The following MCPH1 variants were observed in gnomAD, a reference collection of about 807,000 sequenced individuals.
MCPH1 encodes microcephalin 1, also known as microcephalin.
In MCPH1, 104 loss-of-function variants were observed where a neutral mutation model predicts 84.5. The observed-to-expected ratio is 1.23, with a 90% CI of 1.05 to 1.45. MCPH1 has a LOEUF of 1.45. MCPH1 is among the 40% of genes most tolerant of loss of function. The pLI is 0.00. For synonymous variants in MCPH1, 514 were observed against 366.8 expected, an observed-to-expected ratio of 1.40 and a Z score of -4.58; for missense variants, 1,498 against 1,005.7, an observed-to-expected ratio of 1.49 and a Z score of -6.62.
intron 13 of MCPH1, chr8:6,625,627 C>T (rs764129834): frequency 2.4e-5 from 24 of 984,876 alleles, no homozygotes; most frequent in Non-Finnish European, 2.7e-5. Context: ...AGGTAGGGTC[C>T]CTGAGCGTCT....
intron 8 of MCPH1, chr8:6,445,878 C>T (rs781101279): frequency 2.3e-4 from 239 of 1,058,392 alleles, no homozygotes; most frequent in Non-Finnish European, 2.6e-4. Flanking sequence ...AGTCTTGGCG[C>T]TGCAGCGTGT....
intron 12 of MCPH1, among the ~76,000 whole-genome samples, chr8:6,612,524 C>T (rs890884454): frequency 6.6e-6 from 1 of 152,224 alleles, no homozygotes; most frequent in African/African-American, 2.4e-5. Context: ...AGCACCGGTG[C>T]CTGCCCCGCT....
intron 1 of MCPH1, among the ~76,000 whole-genome samples, chr8:6,408,488 C>G (rs1264833912): frequency 6.6e-6 from 1 of 151,906 alleles, no homozygotes; most frequent in Non-Finnish European, 1.5e-5. Context: ...TTGCAAAATG[C>G]TGGGATTACA....
chr8:6,604,999 A>G (rs369495958), intron 12 of MCPH1, among the ~76,000 whole-genome samples: 12 of 152,312 alleles, frequency 7.9e-5, no homozygotes, highest in African/African-American at 2.6e-4. Context: ...CCATCCCTTC[A>G]TTTCAGAGGG....
intron 12 of MCPH1, among the ~76,000 whole-genome samples, chr8:6,564,530 GT>G (rs2129576057): frequency 6.6e-6 from 1 of 152,204 alleles, no homozygotes; most frequent in Admixed American, 6.5e-5. Flanking sequence ...TTAATAATAT[GT>G]TAACTCAGCA....
chr8:6,527,350 G>C (rs1231070760), intron 12 of MCPH1, among the ~76,000 whole-genome samples: 1 of 152,238 alleles, frequency 6.6e-6, no homozygotes, highest in Non-Finnish European at 1.5e-5. Flanking sequence ...GGGAATGAAA[G>C]GTAAAATCCA....
intron 8 of MCPH1, 33 bp downstream of exon 8, chr8:6,445,580 C>G (rs766322079): frequency 1.3e-6 from 2 of 1,549,374 alleles, no homozygotes; most frequent in Non-Finnish European, 1.7e-6. Context: ...GTCACCTTCG[C>G]TAAATAAACA....
chr8:6,562,574 T>G, intron 12 of MCPH1: 1 of 583,790 alleles, frequency 1.7e-6, no homozygotes, highest in Non-Finnish European at 2.6e-6. Context: ...TTTTTTTTGG[T>G]TGTTAAAACC....
chr8:6,614,451 T>C (rs116595495), intron 12 of MCPH1, among the ~76,000 whole-genome samples: 2,577 of 152,314 alleles, frequency 0.017, 68 homozygotes, highest in African/African-American at 0.058. Context: ...ACGTACTGCC[T>C]CCTGGAAAAA....
At chr8:6,416,426 G>C (rs115238970) in intron 3 of MCPH1, among the ~76,000 whole-genome samples, 3 of 152,234 alleles carry the variant, frequency 2.0e-5, no homozygotes, top group Admixed American at 1.3e-4. Flanking sequence ...TCATTATTTC[G>C]TATGATGGTA....
At chr8:6,555,818 A>C (rs577366676) in intron 12 of MCPH1, among the ~76,000 whole-genome samples, 1 of 152,180 alleles carries the variant, frequency 6.6e-6, no homozygotes, top group East Asian at 1.9e-4. Context: ...AATTATACCA[A>C]TTGCACCAAT....
At chr8:6,630,676 G>A (rs1312144784) in intron 13 of MCPH1, among the ~76,000 whole-genome samples, 5 of 151,634 alleles carry the variant, frequency 3.3e-5, no homozygotes, top group Non-Finnish European at 4.4e-5. Context: ...AGCTACTTGG[G>A]AGGCTGAGGC....
intron 11 of MCPH1, among the ~76,000 whole-genome samples, chr8:6,490,203 G>C (rs1810407275): frequency 6.6e-6 from 1 of 152,152 alleles, no homozygotes; most frequent in South Asian, 2.1e-4. Context: ...CCAGACATCT[G>C]AACTTTCACT....
chr8:6,577,185 G>A (rs542296079), intron 12 of MCPH1, among the ~76,000 whole-genome samples: 6 of 152,312 alleles, frequency 3.9e-5, no homozygotes, highest in South Asian at 2.1e-4. Context: ...GGTGGCCAGC[G>A]CCTCTTCCTC....
chr8:6,564,220 C>G (rs1038160713), intron 12 of MCPH1, among the ~76,000 whole-genome samples: 7 of 152,176 alleles, frequency 4.6e-5, no homozygotes, highest in Admixed American at 1.3e-4. Context: ...TTGTGATCGA[C>G]TCGCCTTTGG....
chr8:6,480,791 C>T lies in MCPH1; in HGVS notation c.2051C>T (p.Thr684Ile). 1 of 1,614,214 alleles carries T rather than the reference C, an allele frequency of 6.2e-7. No individual in the cohort carries two copies. Among genetic ancestry groups the T allele is most frequent in the Non-Finnish European group, 8.5e-7 (1 of 1,180,038 alleles). The change falls in exon 11 of 14, where the codon ACT (threonine) becomes ATT (isoleucine). Residue 684 changes from threonine (T) to isoleucine (I), a missense_variant. Coordinates refer to ENST00000344683, the MANE Select transcript of MCPH1 (RefSeq NM_024596.5). ...GCACCAGACGTCTGTGAGACCACGA[C>T]TCACGTGCTTTCCGGGAAGCCACTT... ...SIAPDVCETTTHVLSGKPLRT... is the reference protein window; with the variant it reads ...SIAPDVCETTIHVLSGKPLRT...
At chr8:6,514,661 T>C in intron 12 of MCPH1, 1 of 1,608,136 alleles carries the variant, frequency 6.2e-7, no homozygotes, top group Non-Finnish European at 8.5e-7. Context: ...TCTGATGCCT[T>C]AAAGAATGTC....
chr8:6,456,542 CA>C (rs1330236739), intron 9 of MCPH1, among the ~76,000 whole-genome samples: 2 of 152,208 alleles, frequency 1.3e-5, no homozygotes, highest in Admixed American at 1.3e-4. Flanking sequence ...CATGGCACCA[CA>C]GCTCTGTTCT....
chr8:6,531,182 G>A (rs761479522), intron 12 of MCPH1, among the ~76,000 whole-genome samples: 5 of 151,542 alleles, frequency 3.3e-5, no homozygotes, highest in African/African-American at 4.8e-5. Flanking sequence ...CACCCAGGCC[G>A]TTCGCTGGGT....
Sources: allele counts gnomAD v4.1 joint callset (sites outside exome capture counted in the v4.1 genomes callset), GRCh38; gene constraint gnomAD v4.1.1; transcripts MANE v1.5; gene names NCBI Gene and HGNC (gene_info 2026-07-23, HGNC 2026-07-21).